ZNF91: variants seen among roughly 807,000 people sequenced by gnomAD.
The protein encoded by ZNF91 is zinc finger protein 91 (HPF7, HTF10).
Under a neutral mutation model 12.6 loss-of-function variants are expected in ZNF91, and 7 were observed. The observed-to-expected ratio is 0.55, with a 90% CI of 0.31 to 1.04. The LOEUF is 1.04. Ranked by LOEUF, ZNF91 falls within the 50% of genes least tolerant of loss-of-function variation. The probability of loss-of-function intolerance (pLI) is 0.05; values close to 1 mark genes in which losing one functional copy is unlikely to be tolerated. For missense variants in ZNF91, 1,217 were observed against 1,385.4 expected, an observed-to-expected ratio of 0.88 and a Z score of 1.93; for synonymous variants, 453 against 462.6, an observed-to-expected ratio of 0.98 and a Z score of 0.27.
intron 3 of ZNF91, among the ~76,000 whole-genome samples, chr19:23,345,734 A>G (rs1968211236): frequency 6.6e-6 from 1 of 151,596 alleles, no homozygotes; most frequent in African/African-American, 2.4e-5. Context: ...CTTCTCAGTC[A>G]CCATCTTCTC....
intron 1 of ZNF91, among the ~76,000 whole-genome samples, chr19:23,310,054 T>G (rs293903): frequency 0.1 from 15,738 of 152,150 alleles, 1,253 homozygotes; most frequent in East Asian, 0.37. Context: ...GTGAGGACTC[T>G]CCTATCTGGA....
At chr19:23,381,760 A>T (rs192634895) in intron 1 of ZNF91, among the ~76,000 whole-genome samples, 3 of 152,266 alleles carry the variant, frequency 2.0e-5, no homozygotes, top group African/African-American at 7.2e-5. Flanking sequence ...GCGCCCAGCC[A>T]TAAACTGAAC....
At chr19:23,307,610 C>A (rs1967414678) in intron 2 of ZNF91, 2 of 152,244 alleles carry the variant, frequency 1.3e-5, no homozygotes, top group African/African-American at 4.8e-5. Context: ...TACTCTCATG[C>A]CTGGGACCTG....
At position 23,340,863 on chromosome 19, in the gene ZNF91, C is replaced by T. The variant is rs556680969; in HGVS notation, c.254-1809G>A. Among the ~76,000 whole-genome samples the T allele has an allele frequency of 5.0e-4, 76 of 151,184 alleles. No homozygotes were observed. In the South Asian group the frequency reaches 0.011, roughly 23 times the overall value. ...AATAAAAGAAAATATTTGCAAACTA[C>T]GTGCCAACATGGAACTAATATTCAG... On this transcript the variant is annotated intron_variant, in intron 3 of 3. Coordinates refer to the ZNF91 transcript ENST00000599743.
chr19:23,387,219 A>T (rs1969901040), intron 1 of ZNF91, among the ~76,000 whole-genome samples: 2 of 152,244 alleles, frequency 1.3e-5, no homozygotes, highest in Admixed American at 1.3e-4. Context: ...CAACCATTGT[A>T]AAAAGCGGTG....
intron 1 of ZNF91, among the ~76,000 whole-genome samples, chr19:23,317,338 G>A (rs1233795754): frequency 2.6e-5 from 4 of 152,068 alleles, no homozygotes; most frequent in Non-Finnish European, 4.4e-5. Context: ...GTGAGCCACC[G>A]CGCCCGGCCA....
intron 1 of ZNF91, among the ~76,000 whole-genome samples, chr19:23,377,990 A>C (rs1969566748): frequency 1.3e-5 from 2 of 152,196 alleles, no homozygotes; most frequent in Non-Finnish European, 2.9e-5. Context: ...CATAGAATAA[A>C]ATCTAAATAT....
In ZNF91 at chr19:23,373,722, T is replaced by C; in HGVS notation, c.253+20A>G. On this transcript the variant is annotated intron_variant, in intron 3 of 3. Transcript: ENST00000300619. ...TTGGGCCTCTCATCCTTGTCGTCTG[T>C]TGTATTCACTCTCACCTACCTGTGG... 2 of 1,596,130 alleles carry C rather than the reference T, an allele frequency of 1.3e-6. No individual in the cohort carries two copies. Among genetic ancestry groups the C allele is most frequent in the African/African-American group, 1.3e-5 (1 of 74,330 alleles).
chr19:23,337,348 ATGTGTGTGTG>A (rs916885109), downstream of ZNF91, among the ~76,000 whole-genome samples: 5 of 151,498 alleles, frequency 3.3e-5, no homozygotes, highest in Admixed American at 6.6e-5. Flanking sequence ...GTGTGTGTGT[ATGTGTGTGTG>A]TATATATATA....
In ZNF91 at chr19:23,360,132, T is replaced by C. The variant is rs369731971; in HGVS notation, c.2847A>G (p.Gln949=). 8.4e-4 allele frequency: 1,360 copies of C among 1,611,736 alleles called. No individual in the cohort carries two copies. The highest frequency in any genetic ancestry group is 1.1e-3 in the Non-Finnish European group (1,278 of 1,179,312). The change falls in exon 4 of 4, where the codon CAA becomes CAG. Residue 949 remains glutamine (Q), a synonymous_variant. Transcript: ENST00000300619. ...TCTTATGTGTAGTAAGGGTTGAGGA[T>C]TGGCTAAAAGCTTTGCCACATTCTT... The part of the protein sequence containing the change: ...KCEECGKAFS[Q]SSTLTTHKII...
In ZNF91 at chr19:23,320,755, G is replaced by A. The variant is rs540956983; in HGVS notation, n.117-11658C>T. ...GTGGTACAGAGAGTGTACTAACAGA[G>A]CCCAGCTCAAAGGTGAGATTGTAAT... On this transcript the variant is annotated intron_variant and non_coding_transcript_variant, in intron 1 of 1. Coordinates refer to the ZNF91 transcript ENST00000596528. Among the ~76,000 whole-genome samples, 77 of 152,300 alleles carry A rather than the reference G, an allele frequency of 5.1e-4. No homozygotes were observed. In the South Asian group the frequency reaches 0.011, roughly 23 times the overall value.
At chr19:23,364,013 A>C (rs540875062) in intron 3 of ZNF91, among the ~76,000 whole-genome samples, 2 of 152,342 alleles carry the variant, frequency 1.3e-5, no homozygotes, top group East Asian at 3.9e-4. Context: ...TGAAGCTGCA[A>C]AATAAAAGTG....
Position 23,360,417 on chromosome 19 carries a change from G to A in ZNF91, c.2562C>T (p.Tyr854=), listed in dbSNP as rs368515606. 3.0e-5 allele frequency: 49 copies of A among 1,614,090 alleles called. No individual in the cohort carries two copies. The African/African-American group carries it at 5.3e-4, about 18-fold the overall frequency. ...AAGCTTTGCCACATTCCTCACATTTGTAGAGTTTCTCTCCAGCATGTATTA... is the reference window on the plus strand; with the variant it reads ...AAGCTTTGCCACATTCCTCACATTTATAGAGTTTCTCTCCAGCATGTATTA... ...HKIIHAGEKL[Y]KCEECGKAFN... The change falls in exon 4 of 4, where the codon TAC becomes TAT. Residue 854 remains tyrosine, a synonymous_variant. Transcript: ENST00000300619.
chr19:23,392,268 C>T (rs1174493619), intron 1 of ZNF91, among the ~76,000 whole-genome samples: 1 of 151,386 alleles, frequency 6.6e-6, no homozygotes, highest in Non-Finnish European at 1.5e-5. Context: ...TTGTGGCAAG[C>T]GCCTGTAATC....
At chr19:23,375,527 G>C (rs1295161214) in intron 1 of ZNF91, among the ~76,000 whole-genome samples, 1 of 152,094 alleles carries the variant, frequency 6.6e-6, no homozygotes, top group African/African-American at 2.4e-5. Flanking sequence ...TTTTTCAGGA[G>C]ATCTGAAATA....
At chr19:23,375,967 G>C (rs1181222156) in intron 1 of ZNF91, among the ~76,000 whole-genome samples, 3 of 152,140 alleles carry the variant, frequency 2.0e-5, no homozygotes, top group Non-Finnish European at 4.4e-5. Flanking sequence ...TGCATGGAAA[G>C]TTCAAGGTAC....
rs561962091 is a variant in ZNF91 at position 23,350,067 on chromosome 19, C to T, written c.254-11013G>A. ...ACCGCCTCAGCCTTGGAAATGCTCA[C>T]GCAACAAGAAAACCAAATGCGTGCA... On this transcript the variant is annotated intron_variant, in intron 3 of 3. Transcript: ENST00000599743. Among the ~76,000 whole-genome samples the T allele has an allele frequency of 7.2e-5, 11 of 152,280 alleles. No homozygotes were observed. In the East Asian group the frequency reaches 9.6e-4, roughly 13 times the overall value.
At chr19:23,383,883 G>A (rs549360724) in intron 1 of ZNF91, among the ~76,000 whole-genome samples, 10 of 152,166 alleles carry the variant, frequency 6.6e-5, no homozygotes, top group South Asian at 6.2e-4. Flanking sequence ...AGGCCAAGGC[G>A]GGTGGATCAC....
At chr19:23,369,273 G>GCACTC (rs1354246357) in intron 3 of ZNF91, among the ~76,000 whole-genome samples, 1 of 151,254 alleles carries the variant, frequency 6.6e-6, no homozygotes, top group Non-Finnish European at 1.5e-5. Context: ...TCGTGCCATT[G>GCACTC]CACTCCACCC....
Sources: allele counts gnomAD v4.1 joint callset (sites outside exome capture counted in the v4.1 genomes callset), GRCh38; gene constraint gnomAD v4.1.1; transcripts MANE v1.5; gene names NCBI Gene and HGNC (gene_info 2026-07-23, HGNC 2026-07-21).